The following KIAA1217 variants were observed in gnomAD, a reference collection of about 807,000 sequenced individuals.
KIAA1217 encodes sickle tail protein homolog.
A neutral mutation model predicts 163.9 loss-of-function variants in KIAA1217; 88 were observed. The observed-to-expected ratio is 0.54, with a 90% CI of 0.45 to 0.64. The LOEUF is 0.64. KIAA1217 is among the 30% of genes least tolerant of loss of function. KIAA1217 has a pLI of 0.00. For missense variants in KIAA1217, 2,372 were observed against 2,475.0 expected (o/e 0.96, Z 0.88); for synonymous variants, 903 against 923.1 (o/e 0.98, Z 0.39).
At chr10:24,400,600 A>ACCTGG (rs2056410625) in intron 3 of KIAA1217, among the ~76,000 whole-genome samples, 1 of 152,206 alleles carries the variant, frequency 6.6e-6, no homozygotes, top group Non-Finnish European at 1.5e-5. Context: ...CCAACAATGG[A>ACCTGG]CCTGGAATAT....
At chr10:24,519,484 G>A (rs1052407914) in intron 10 of KIAA1217, among the ~76,000 whole-genome samples, 1 of 152,018 alleles carries the variant, frequency 6.6e-6, no homozygotes, top group Non-Finnish European at 1.5e-5. Flanking sequence ...TCTCATTTAG[G>A]GGCAATTTTG....
chr10:24,222,004 T>A (rs1297094614), intron 2 of KIAA1217, among the ~76,000 whole-genome samples: 2 of 152,234 alleles, frequency 1.3e-5, no homozygotes, highest in Non-Finnish European at 2.9e-5. Flanking sequence ...TCAATTTTGC[T>A]GAGAAATATA....
At chr10:23,810,416 T>TAC (rs1210306074) in intron 1 of KIAA1217, among the ~76,000 whole-genome samples, 1 of 144,748 alleles carries the variant, frequency 6.9e-6, no homozygotes, top group Admixed American at 7.0e-5. Flanking sequence ...ATAATATATA[T>TAC]ACACACACGC....
chr10:23,953,575 G>A (rs2131359576), intron 1 of KIAA1217, among the ~76,000 whole-genome samples: 1 of 152,308 alleles, frequency 6.6e-6, no homozygotes, highest in Non-Finnish European at 1.5e-5. Flanking sequence ...GACCATTAAG[G>A]GGAAACATTA....
chr10:23,788,775 G>A lies in KIAA1217; in HGVS notation c.-321+93541G>A, dbSNP rs1347402568. ...CTATCTGTAGGGGTAGGACAGGCAC[G>A]GGGAGAAGCCAACAAGGACATAACA... On this transcript the variant is annotated intron_variant, in intron 1 of 18. Transcript: ENST00000376462. Among the ~76,000 whole-genome samples the A allele has an allele frequency of 2.6e-5, 4 of 152,286 alleles. No homozygotes were observed. The East Asian group carries it at 5.8e-4, about 22-fold the overall frequency.
intron 2 of KIAA1217, among the ~76,000 whole-genome samples, chr10:24,371,553 CTG>C (rs1199414602): frequency 2.0e-5 from 3 of 152,310 alleles, no homozygotes; most frequent in African/African-American, 7.2e-5. Context: ...CTTTTCTTAA[CTG>C]TATCGTTTTG....
intron 2 of KIAA1217, among the ~76,000 whole-genome samples, chr10:24,342,037 G>T (rs2047163021): frequency 6.6e-6 from 1 of 152,210 alleles, no homozygotes; most frequent in South Asian, 2.1e-4. Context: ...ATGAAATTAT[G>T]CCTGAAGGCA....
At chr10:24,006,853 C>A (rs1233065783) in intron 1 of KIAA1217, among the ~76,000 whole-genome samples, 1 of 152,176 alleles carries the variant, frequency 6.6e-6, no homozygotes, top group Non-Finnish European at 1.5e-5. Context: ...AGATGCGAGT[C>A]TGCAATGGTT....
In KIAA1217 at chr10:24,093,410, G is replaced by C. The variant is rs547966910; in HGVS notation, c.-171+86036G>C. On this transcript the variant is annotated intron_variant, in intron 2 of 18. Transcript: ENST00000376462. ...TGGTCTTGAACTCCTGATCTCCGATGATCCACCCACCTCAGCCTCTCAAAG... is the reference window on the plus strand; with the variant it reads ...TGGTCTTGAACTCCTGATCTCCGATCATCCACCCACCTCAGCCTCTCAAAG... Among the ~76,000 whole-genome samples the C allele has an allele frequency of 2.9e-4, 44 of 151,464 alleles. 1 individual carries two copies. The highest frequency in any genetic ancestry group is 1.1e-3 in the African/African-American group (44 of 40,978).
chr10:24,410,183 A>G (rs2057638585), intron 3 of KIAA1217, among the ~76,000 whole-genome samples: 1 of 151,556 alleles, frequency 6.6e-6, no homozygotes, highest in African/African-American at 2.4e-5. Flanking sequence ...TTTAGTAGAG[A>G]CAGGGTTTCA....
At chr10:24,493,194 G>A (rs938602057) in intron 6 of KIAA1217, among the ~76,000 whole-genome samples, 1 of 152,158 alleles carries the variant, frequency 6.6e-6, no homozygotes, top group Non-Finnish European at 1.5e-5. Flanking sequence ...TAGCCAGCAT[G>A]TATTTAATAG....
intron 2 of KIAA1217, among the ~76,000 whole-genome samples, chr10:24,147,687 G>A (rs776830924): frequency 1.4e-4 from 21 of 151,702 alleles, no homozygotes; most frequent in Admixed American, 6.6e-5. Context: ...CATTAAATTA[G>A]CCAGGTGTGG....
intron 2 of KIAA1217, among the ~76,000 whole-genome samples, chr10:24,191,187 T>C (rs1463078787): frequency 1.3e-5 from 2 of 151,836 alleles, no homozygotes; most frequent in South Asian, 4.2e-4. Flanking sequence ...TCAAAAAAAA[T>C]AAAAAACAAA....
chr10:24,203,744 C>T (rs1033185326), intron 2 of KIAA1217, among the ~76,000 whole-genome samples: 1 of 152,170 alleles, frequency 6.6e-6, no homozygotes, highest in African/African-American at 2.4e-5. Flanking sequence ...CTCATATTCT[C>T]GTGGATTCCA....
intron 2 of KIAA1217, among the ~76,000 whole-genome samples, chr10:24,339,203 C>T (rs914701376): frequency 6.6e-6 from 1 of 152,030 alleles, no homozygotes; most frequent in Non-Finnish European, 1.5e-5. Context: ...TTTTAAATAT[C>T]CCTTTTTGGA....
rs145203984 is a variant in KIAA1217, at chr10:24,301,770, C to T, written c.355-79099C>T. ...TATTTTTTAGAACGGGTTGGCCAGG[C>T]GCAGTGGCTCATGCCTAAAATCCCA... On this transcript the variant is annotated intron_variant, in intron 2 of 20. Coordinates refer to ENST00000376454, the MANE Select transcript of KIAA1217 (RefSeq NM_019590.5). 3.8e-3 allele frequency among the ~76,000 whole-genome samples: 573 copies of T among 152,248 alleles called. 6 individuals are homozygous for T. Among genetic ancestry groups the T allele is most frequent in the African/African-American group, 0.013 (529 of 41,530 alleles).
chr10:23,906,615 G>T (rs1217797193), intron 1 of KIAA1217, among the ~76,000 whole-genome samples: 1 of 152,096 alleles, frequency 6.6e-6, no homozygotes, highest in Non-Finnish European at 1.5e-5. Context: ...AACTACTTAA[G>T]AAAGTTGAAT....
At chr10:24,545,534 T>C in intron 20 of KIAA1217, 2 of 1,319,392 alleles carry the variant, frequency 1.5e-6, no homozygotes, top group Non-Finnish European at 9.6e-7. Flanking sequence ...ACCCCAGTAA[T>C]TATCCAGACG....
intron 2 of KIAA1217, among the ~76,000 whole-genome samples, chr10:24,336,329 C>T (rs1055905297): frequency 6.6e-6 from 1 of 152,196 alleles, no homozygotes; most frequent in Non-Finnish European, 1.5e-5. Flanking sequence ...ACAAAGAACA[C>T]GTATGGTAGA....
Sources: gnomAD v4.1 joint callset for allele counts (sites outside exome capture counted in the v4.1 genomes callset) on GRCh38, gnomAD v4.1.1 for gene constraint, MANE v1.5 for transcripts, NCBI Gene and HGNC (gene_info 2026-07-23, HGNC 2026-07-21) for gene names.